Variants in PKP4 observed in about 807,000 individuals in gnomAD.
The protein encoded by PKP4 is plakophilin 4.
PKP4 carries 90 observed loss-of-function variants against 145.1 expected under a neutral mutation model. The ratio of observed to expected loss-of-function variants is 0.62; its 90% CI spans 0.52 to 0.74. The LOEUF is 0.74. Among genes scored for constraint, PKP4 ranks in the 30% least tolerant of loss-of-function variants. The pLI is 0.00. For missense variants in PKP4, 1,340 were observed against 1,482.7 expected (o/e 0.90, Z 1.58); for synonymous variants, 563 against 577.2 (o/e 0.98, Z 0.35).
rs1274084822 is a variant in PKP4, at chr2:158,621,416, G to A, written c.598G>A (p.Val200Ile). Residue 200 changes from valine to isoleucine, a missense_variant, in exon 6 of 22, where the codon GTT (valine) becomes ATT (isoleucine). By Grantham distance (29) the Val-to-Ile change is conservative. Transcript: ENST00000389759. ...RNSRAEGQTL[V>I]QPSVANRAMR... ...TTCAAGAGCTGAAGGACAAACACTGGTTCAGGTAAGCCAAACGCATCAAGA... is the reference window on the plus strand; with the variant it reads ...TTCAAGAGCTGAAGGACAAACACTGATTCAGGTAAGCCAAACGCATCAAGA... The A allele has an allele frequency of 1.2e-6, 2 of 1,613,532 alleles. No homozygotes were observed. Among genetic ancestry groups the A allele is most frequent in the Non-Finnish European group, 1.7e-6 (2 of 1,179,650 alleles).
At chr2:158,583,045 C>G (rs1490789230) in intron 3 of PKP4, among the ~76,000 whole-genome samples, 3 of 152,150 alleles carry the variant, frequency 2.0e-5, no homozygotes, top group Non-Finnish European at 4.4e-5. Flanking sequence ...CCAGGGGATG[C>G]TGGGGTATGT....
chr2:158,536,555 G>A (rs970857665), intron 2 of PKP4, among the ~76,000 whole-genome samples: 1 of 152,144 alleles, frequency 6.6e-6, no homozygotes, highest in Admixed American at 6.5e-5. Flanking sequence ...TTAACAAACC[G>A]TTAGTCTATT....
chr2:158,495,294 CAT>C (rs1695520586), intron 1 of PKP4, among the ~76,000 whole-genome samples: 1 of 150,922 alleles, frequency 6.6e-6, no homozygotes, highest in Non-Finnish European at 1.5e-5. Flanking sequence ...GATAAAACCT[CAT>C]GTGGATGAGC....
At chr2:158,508,803 ATCAAAAT>A (rs1346871288) in intron 1 of PKP4, among the ~76,000 whole-genome samples, 1 of 152,232 alleles carries the variant, frequency 6.6e-6, no homozygotes, top group East Asian at 1.9e-4. Flanking sequence ...TAGGCTGGAC[ATCAAAAT>A]TTTATATTTC....
At chr2:158,638,298 T>C (rs1402084402) in intron 9 of PKP4, among the ~76,000 whole-genome samples, 1 of 152,238 alleles carries the variant, frequency 6.6e-6, no homozygotes, top group Non-Finnish European at 1.5e-5. Context: ...TAAAATATTT[T>C]AGTATTCATC....
chr2:158,679,669 CTG>C (rs1207524469), intron 21 of PKP4, among the ~76,000 whole-genome samples: 1 of 152,198 alleles, frequency 6.6e-6, no homozygotes, highest in Non-Finnish European at 1.5e-5. Context: ...AAAGCTAAGA[CTG>C]AACAAAAGGA....
rs546477999 is a variant in PKP4 at position 158,587,555 on chromosome 2, A to G, written c.245+10172A>G. On this transcript the variant is annotated intron_variant, in intron 3 of 21. Coordinates refer to ENST00000389759, the MANE Select transcript of PKP4 (RefSeq NM_003628.6). ...CTGCTTTATAGGAGTTAGTAATTACATTTACCATCTCATAAAAGCAACAAT... is the reference window on the plus strand; with the variant it reads ...CTGCTTTATAGGAGTTAGTAATTACGTTTACCATCTCATAAAAGCAACAAT... Among the ~76,000 whole-genome samples the G allele has an allele frequency of 2.4e-4, 37 of 152,100 alleles. No individual in the cohort carries two copies. In the East Asian group the frequency reaches 5.6e-3, roughly 23 times the overall value.
intron 7 of PKP4, among the ~76,000 whole-genome samples, chr2:158,626,088 T>G (rs1203392068): frequency 6.6e-6 from 1 of 152,238 alleles, no homozygotes; most frequent in Non-Finnish European, 1.5e-5. Context: ...TTAACTTTAG[T>G]GTTTTAAATT....
intron 2 of PKP4, among the ~76,000 whole-genome samples, chr2:158,543,328 T>C (rs963014318): frequency 2.0e-5 from 3 of 152,184 alleles, no homozygotes; most frequent in South Asian, 4.1e-4. Context: ...GTTTTAGATA[T>C]GCACATTTGG....
At chr2:158,555,069 T>G (rs1227614012) in intron 2 of PKP4, among the ~76,000 whole-genome samples, 1 of 152,216 alleles carries the variant, frequency 6.6e-6, no homozygotes, top group East Asian at 1.9e-4. Flanking sequence ...TTTTATTTAG[T>G]GAAATGATAT....
chr2:158,519,290 T>C (rs1330474073), intron 1 of PKP4, among the ~76,000 whole-genome samples: 1 of 152,182 alleles, frequency 6.6e-6, no homozygotes. Flanking sequence ...CTTCTGGCTG[T>C]TTCTCTTTCC....
chr2:158,550,424 A>G (rs536526953), intron 2 of PKP4, among the ~76,000 whole-genome samples: 1 of 152,340 alleles, frequency 6.6e-6, no homozygotes, highest in East Asian at 1.9e-4. Context: ...CAATATATAC[A>G]ACATTTTCAT....
At chr2:158,474,668 C>T (rs1360638089) in intron 1 of PKP4, among the ~76,000 whole-genome samples, 31 of 152,128 alleles carry the variant, frequency 2.0e-4, no homozygotes, top group Admixed American at 2.0e-3. Context: ...TTTGCCTTTC[C>T]CTCAGCAGTG....
chr2:158,575,542 A>G (rs952899776), intron 2 of PKP4, among the ~76,000 whole-genome samples: 3 of 152,112 alleles, frequency 2.0e-5, no homozygotes, highest in Admixed American at 1.3e-4. Context: ...CTTATTTGCA[A>G]TGTATCTTCA....
chr2:158,680,475 T>A lies in PKP4; in HGVS notation c.3377T>A (p.Phe1126Tyr), dbSNP rs755532454. 6.2e-7 allele frequency: 1 copy of A among 1,612,842 alleles called. No individual in the cohort carries two copies. The highest frequency in any genetic ancestry group is 8.5e-7 in the Non-Finnish European group (1 of 1,178,938). ...CAAGATGACTCCAACAGAAAGAACT[T>A]TGATGCATACAGATTGTATTTGCAG... ...YSQDDSNRKNFDAYRLYLQSP... is the reference protein window; with the variant it reads ...YSQDDSNRKNYDAYRLYLQSP... The change falls in exon 22 of 22, where the codon TTT becomes TAT. Residue 1126 changes from phenylalanine (F) to tyrosine (Y), a missense_variant. Transcript: ENST00000389759.
At chr2:158,471,157 G>A (rs912888253) in intron 1 of PKP4, among the ~76,000 whole-genome samples, 4 of 152,130 alleles carry the variant, frequency 2.6e-5, no homozygotes, top group African/African-American at 7.2e-5. Flanking sequence ...ACAAGGTTTT[G>A]GTTGAAAAAG....
chr2:158,649,225 C>G (rs2055117402), intron 11 of PKP4, among the ~76,000 whole-genome samples: 1 of 152,090 alleles, frequency 6.6e-6, no homozygotes, highest in African/African-American at 2.4e-5. Context: ...AAACCGAAGT[C>G]CAGGAAGGTT....
intron 2 of PKP4, among the ~76,000 whole-genome samples, chr2:158,561,491 G>C (rs1013975933): frequency 1.3e-5 from 2 of 152,214 alleles, no homozygotes; most frequent in African/African-American, 4.8e-5. Flanking sequence ...GCACCATGCA[G>C]TTTGTTTATG....
At chr2:158,616,898 ACT>A (rs1399629183) in intron 4 of PKP4, among the ~76,000 whole-genome samples, 1 of 151,974 alleles carries the variant, frequency 6.6e-6, no homozygotes, top group African/African-American at 2.4e-5. Context: ...GAGGCCTTAG[ACT>A]CTTTTACTAA....
Sources: allele counts gnomAD v4.1 joint callset (sites outside exome capture counted in the v4.1 genomes callset), GRCh38; gene constraint gnomAD v4.1.1; transcripts MANE v1.5; gene names NCBI Gene and HGNC (gene_info 2026-07-23, HGNC 2026-07-21).